AFF3: variants seen among roughly 807,000 people sequenced by gnomAD.
AFF3 encodes ALF transcription elongation factor 3.
A neutral mutation model predicts 129.7 loss-of-function variants in AFF3; 32 were observed. The observed-to-expected ratio is 0.25, with a 90% CI of 0.19 to 0.33. AFF3 has a LOEUF of 0.33. Among genes scored for constraint, AFF3 ranks in the 10% least tolerant of loss-of-function variants. The pLI, the probability that AFF3 is intolerant of heterozygous loss-of-function variation, is 1.00. For synonymous variants in AFF3, 644 were observed against 635.4 expected (o/e 1.01, Z -0.20); for missense variants, 1,373 against 1,592.0 (o/e 0.86, Z 2.34).
chr2:99,621,849 G>A (rs1248603186), intron 13 of AFF3, among the ~76,000 whole-genome samples: 3 of 152,176 alleles, frequency 2.0e-5, no homozygotes, highest in Non-Finnish European at 4.4e-5. Flanking sequence ...GGCAAAGCGG[G>A]TGGAATAACA....
intron 4 of AFF3, among the ~76,000 whole-genome samples, chr2:100,060,105 C>T (rs542923351): frequency 6.6e-6 from 1 of 152,126 alleles, no homozygotes; most frequent in South Asian, 2.1e-4. Flanking sequence ...CTCCATCCTC[C>T]TTTGGTTCAA....
chr2:100,052,944 TA>T (rs1352443509), intron 4 of AFF3, among the ~76,000 whole-genome samples: 1 of 152,174 alleles, frequency 6.6e-6, no homozygotes, highest in Non-Finnish European at 1.5e-5. Flanking sequence ...GTGAAGCAAC[TA>T]ATTCCTGACT....
chr2:99,766,078 A>G (rs990267355), intron 8 of AFF3, among the ~76,000 whole-genome samples: 1 of 152,196 alleles, frequency 6.6e-6, no homozygotes, highest in Non-Finnish European at 1.5e-5. Context: ...GCAAGCTGGG[A>G]GTGTAGCGGG....
intron 8 of AFF3, among the ~76,000 whole-genome samples, chr2:99,753,016 A>C (rs1049497530): frequency 6.6e-6 from 1 of 152,168 alleles, no homozygotes; most frequent in African/African-American, 2.4e-5. Flanking sequence ...AGTTCCAATC[A>C]ATAAATGATT....
chr2:100,128,215 C>A (rs1236955347), intron 2 of AFF3, among the ~76,000 whole-genome samples: 1 of 152,158 alleles, frequency 6.6e-6, no homozygotes, highest in Non-Finnish European at 1.5e-5. Context: ...TATGGAGTAG[C>A]CATTCGTTTA....
intron 8 of AFF3, among the ~76,000 whole-genome samples, chr2:99,833,810 T>C (rs1191921355): frequency 6.6e-6 from 1 of 152,226 alleles, no homozygotes; most frequent in Non-Finnish European, 1.5e-5. Flanking sequence ...CAAACATATG[T>C]CAGCCATGAA....
At chr2:99,794,527 T>C (rs1054078741) in intron 8 of AFF3, among the ~76,000 whole-genome samples, 1 of 152,194 alleles carries the variant, frequency 6.6e-6, no homozygotes, top group African/African-American at 2.4e-5. Flanking sequence ...AGTAGCTCCA[T>C]GGCAATTTTT....
intron 8 of AFF3, among the ~76,000 whole-genome samples, chr2:99,818,420 G>A (rs949919057): frequency 6.6e-5 from 10 of 152,112 alleles, no homozygotes; most frequent in African/African-American, 9.7e-5. Flanking sequence ...CGTTGAAACC[G>A]ACAATCCTTC....
rs368342915 is a variant in AFF3, at chr2:99,772,195, T to A, written c.922-19894A>T. 1.8e-4 allele frequency among the ~76,000 whole-genome samples: 27 copies of A among 150,770 alleles called. 1 individual carries two copies. Among genetic ancestry groups the A allele is most frequent in the South Asian group, 1.7e-3 (8 of 4,740 alleles). ...GAAGGAGAGAAGAGGAAGAAAAGAGTGACGATGAGCCCCGGGCGAGGTGGC... is the reference window on the plus strand; with the variant it reads ...GAAGGAGAGAAGAGGAAGAAAAGAGAGACGATGAGCCCCGGGCGAGGTGGC... On this transcript the variant is annotated intron_variant, in intron 8 of 24. Transcript: ENST00000672756.
rs1685410494 is a variant in AFF3 at position 99,652,997 on chromosome 2, C to A, written c.1144-3331G>T. On this transcript the variant is annotated intron_variant, in intron 12 of 24. Coordinates refer to ENST00000672756, the MANE Select transcript of AFF3 (RefSeq NM_001386135.1). ...CTCCAGGGATGGGTGCTTCCCTCTC[C>A]CCTCAGTCCCTCTCCTGTGCTCTTC... Among the ~76,000 whole-genome samples the A allele has an allele frequency of 2.0e-5, 3 of 152,168 alleles. No individual in the cohort carries two copies. In the South Asian group the frequency reaches 6.2e-4, roughly 32 times the overall value.
intron 4 of AFF3, among the ~76,000 whole-genome samples, chr2:100,083,427 G>A (rs542976904): frequency 3.3e-5 from 5 of 152,260 alleles, no homozygotes; most frequent in Non-Finnish European, 4.4e-5. Context: ...AGCCCCTGCT[G>A]GTCCAGGCAG....
At chr2:99,797,562 C>T (rs935874834) in intron 8 of AFF3, among the ~76,000 whole-genome samples, 1 of 151,914 alleles carries the variant, frequency 6.6e-6, no homozygotes, top group African/African-American at 2.4e-5. Context: ...CATAAATCTA[C>T]AGATGTAAGA....
At chr2:99,838,497 T>C (rs548680470) in intron 7 of AFF3, among the ~76,000 whole-genome samples, 1 of 152,320 alleles carries the variant, frequency 6.6e-6, no homozygotes, top group East Asian at 1.9e-4. Flanking sequence ...CCTAGTTAAG[T>C]CATCCTTCGA....
chr2:99,593,504 A>T lies in AFF3; in HGVS notation c.2157T>A (p.Pro719=). The change falls in exon 15 of 25, where the codon CCT becomes CCA. Residue 719 remains proline, a synonymous_variant. Transcript: ENST00000672756. ...KEAAANGGSG[P]RAPVGSINAR... is the part of the protein sequence containing the mutation. ...CGTTGATGGAGCCTACAGGGGCCCT[A>T]GGACCACTGCCCCCGTTGGCAGCGG... 6.2e-7 allele frequency: 1 copy of T among 1,613,448 alleles called. No homozygotes were observed. Among genetic ancestry groups the T allele is most frequent in the Non-Finnish European group, 8.5e-7 (1 of 1,179,856 alleles).
chr2:99,980,657 C>T (rs578055938), intron 7 of AFF3, among the ~76,000 whole-genome samples: 1 of 152,246 alleles, frequency 6.6e-6, no homozygotes, highest in Admixed American at 6.5e-5. Context: ...TTCCTTTATC[C>T]AGGTTAATTC....
intron 8 of AFF3, among the ~76,000 whole-genome samples, chr2:99,814,805 G>A (rs1359443782): frequency 6.6e-6 from 1 of 151,876 alleles, no homozygotes; most frequent in Non-Finnish European, 1.5e-5. Flanking sequence ...GGAAAAACTT[G>A]AAGTTTAGAG....
At chr2:99,824,126 T>C (rs1687899779) in intron 8 of AFF3, among the ~76,000 whole-genome samples, 1 of 152,130 alleles carries the variant, frequency 6.6e-6, no homozygotes, top group African/African-American at 2.4e-5. Context: ...AATCCTTTTT[T>C]TTTTTTGAGA....
intron 2 of AFF3, among the ~76,000 whole-genome samples, chr2:100,128,593 G>C (rs933780028): frequency 6.6e-6 from 1 of 152,180 alleles, no homozygotes. Context: ...TTGGCCCCAA[G>C]GAGGCTTTGA....
chr2:99,981,314 G>T (rs535831145), intron 7 of AFF3, among the ~76,000 whole-genome samples: 1 of 152,088 alleles, frequency 6.6e-6, no homozygotes, highest in Admixed American at 6.5e-5. Context: ...CACCGTGCCC[G>T]GCCCAAAATC....
Sources: gnomAD v4.1 joint callset for allele counts (sites outside exome capture counted in the v4.1 genomes callset) on GRCh38, gnomAD v4.1.1 for gene constraint, MANE v1.5 for transcripts, NCBI Gene and HGNC (gene_info 2026-07-23, HGNC 2026-07-21) for gene names.